Variants in CNTN6 observed in about 807,000 individuals in gnomAD.
CNTN6 encodes contactin-6.
Under a neutral mutation model 122.8 loss-of-function variants are expected in CNTN6, and 137 were observed. The observed-to-expected ratio is 1.12, with a 90% CI of 0.97 to 1.29. CNTN6 has a LOEUF of 1.29. Among genes scored for constraint, CNTN6 ranks in the 50% most tolerant of loss-of-function variants. The pLI is 0.00. For missense variants in CNTN6, 1,634 were observed against 1,223.4 expected, an observed-to-expected ratio of 1.34 and a Z score of -5.01; for synonymous variants, 570 against 426.0, an observed-to-expected ratio of 1.34 and a Z score of -4.16.
At chr3:1,152,412 T>G (rs2092866125) in intron 2 of CNTN6, among the ~76,000 whole-genome samples, 1 of 152,112 alleles carries the variant, frequency 6.6e-6, no homozygotes. Flanking sequence ...GTGCTAGGAT[T>G]ACAGGCATGA....
At chr3:1,391,555 GGC>G in intron 20 of CNTN6, among the ~76,000 whole-genome samples, 1 of 138,664 alleles carries the variant, frequency 7.2e-6, no homozygotes, top group South Asian at 2.5e-4. Flanking sequence ...TTCTGGCCAG[GGC>G]AATTAGGCAG....
chr3:1,300,815 C>T (rs1053070748), intron 7 of CNTN6, among the ~76,000 whole-genome samples: 1 of 152,034 alleles, frequency 6.6e-6, no homozygotes, highest in Admixed American at 6.6e-5. Context: ...CCCCCTCTCT[C>T]TCTTTCTTTC....
intron 1 of CNTN6, among the ~76,000 whole-genome samples, chr3:1,140,444 C>A (rs1232971660): frequency 6.6e-6 from 1 of 152,152 alleles, no homozygotes; most frequent in East Asian, 1.9e-4. Flanking sequence ...AGTTAACTAT[C>A]ACCTATATAT....
chr3:1,400,338 TC>T (rs1695524024), intron 20 of CNTN6, among the ~76,000 whole-genome samples: 1 of 152,076 alleles, frequency 6.6e-6, no homozygotes, highest in Admixed American at 6.6e-5. Context: ...AGACCAAGAT[TC>T]GTCAGCTGCA....
intron 7 of CNTN6, among the ~76,000 whole-genome samples, chr3:1,310,307 C>T (rs75221298): frequency 0.025 from 3,792 of 152,206 alleles, 168 homozygotes; most frequent in African/African-American, 0.086. Flanking sequence ...ATTCCTAGTT[C>T]ATTGAGAATT....
At chr3:1,263,236 C>T (rs1559644701) in intron 4 of CNTN6, among the ~76,000 whole-genome samples, 3 of 152,002 alleles carry the variant, frequency 2.0e-5, no homozygotes, top group African/African-American at 7.2e-5. Flanking sequence ...CTTATAAATC[C>T]AAGCACTTCA....
intron 1 of CNTN6, among the ~76,000 whole-genome samples, chr3:1,119,743 A>C (rs1295669356): frequency 6.6e-6 from 1 of 152,076 alleles, no homozygotes; most frequent in Non-Finnish European, 1.5e-5. Context: ...TATAACTCAC[A>C]TATAACAAAA....
At chr3:1,292,490 A>G (rs1695496935) in intron 5 of CNTN6, among the ~76,000 whole-genome samples, 1 of 152,330 alleles carries the variant, frequency 6.6e-6, no homozygotes, top group Middle Eastern at 3.4e-3. Context: ...CACAGATCCC[A>G]TGATACCTGG....
intron 4 of CNTN6, among the ~76,000 whole-genome samples, chr3:1,245,543 G>A (rs2094571271): frequency 6.7e-6 from 1 of 149,888 alleles, no homozygotes; most frequent in African/African-American, 2.5e-5. Context: ...GGGAAAGGGT[G>A]GGGGTTGGTG....
chr3:1,165,233 G>A (rs184114511), intron 2 of CNTN6, among the ~76,000 whole-genome samples: 30 of 152,240 alleles, frequency 2.0e-4, no homozygotes, highest in Middle Eastern at 6.8e-3. Flanking sequence ...TAATGAAGCC[G>A]TTGGCTCTTC....
intron 12 of CNTN6, among the ~76,000 whole-genome samples, chr3:1,354,805 T>A (rs1013297585): frequency 6.6e-6 from 1 of 151,500 alleles, no homozygotes; most frequent in East Asian, 1.9e-4. Context: ...TAGGACACTT[T>A]GCAAAAAAAG....
intron 1 of CNTN6, among the ~76,000 whole-genome samples, chr3:1,111,375 TA>T (rs2091473326): frequency 6.6e-6 from 1 of 152,166 alleles, no homozygotes; most frequent in Non-Finnish European, 1.5e-5. Flanking sequence ...TTAATTCTCA[TA>T]AAAACCTCAA....
chr3:1,393,822 A>G (rs1694602205), intron 20 of CNTN6, among the ~76,000 whole-genome samples: 1 of 152,200 alleles, frequency 6.6e-6, no homozygotes, highest in South Asian at 2.1e-4. Context: ...ATATATCCAT[A>G]TGACATATAT....
chr3:1,319,525 T>C (rs1160559562), intron 7 of CNTN6, among the ~76,000 whole-genome samples: 2 of 151,574 alleles, frequency 1.3e-5, no homozygotes, highest in Admixed American at 6.6e-5. Flanking sequence ...TATTTAGTTA[T>C]GTTAAAAAAT....
chr3:1,158,831 TACAC>T (rs376341841), intron 2 of CNTN6, among the ~76,000 whole-genome samples: 1 of 123,590 alleles, frequency 8.1e-6, no homozygotes, highest in East Asian at 2.4e-4. Context: ...CACATATATA[TACAC>T]ACACATATAT....
At chr3:1,323,934 T>G (rs1701200844) in intron 8 of CNTN6, among the ~76,000 whole-genome samples, 1 of 139,716 alleles carries the variant, frequency 7.2e-6, no homozygotes, top group Admixed American at 6.8e-5. Context: ...AAGCATAAAA[T>G]CAGATATATC....
At chr3:1,141,655 A>G (rs558862862) in intron 1 of CNTN6, among the ~76,000 whole-genome samples, 8 of 152,318 alleles carry the variant, frequency 5.3e-5, no homozygotes, top group African/African-American at 1.9e-4. Flanking sequence ...CATAAACAGT[A>G]TGTATTAATG....
intron 3 of CNTN6, among the ~76,000 whole-genome samples, chr3:1,226,202 G>T (rs1336238009): frequency 6.6e-6 from 1 of 152,104 alleles, no homozygotes; most frequent in South Asian, 2.1e-4. Context: ...TATGTAAAAT[G>T]TCATTTTTTA....
At chr3:1,374,438 G>A (rs1709570806) in intron 16 of CNTN6, among the ~76,000 whole-genome samples, 1 of 152,112 alleles carries the variant, frequency 6.6e-6, no homozygotes, top group Non-Finnish European at 1.5e-5. Context: ...CTGAGACTCT[G>A]TTGGTGCAGT....
Sources: gnomAD v4.1 joint callset for allele counts (sites outside exome capture counted in the v4.1 genomes callset) on GRCh38, gnomAD v4.1.1 for gene constraint, MANE v1.5 for transcripts, NCBI Gene and HGNC (gene_info 2026-07-23, HGNC 2026-07-21) for gene names.